The following PIR variants were observed in gnomAD, a reference collection of about 807,000 sequenced individuals.
PIR encodes pirin (iron-binding nuclear protein).
A neutral mutation model predicts 24.2 loss-of-function variants in PIR; 22 were observed. The ratio of observed to expected loss-of-function variants is 0.91; its 90% CI spans 0.65 to 1.30. PIR has a LOEUF of 1.30. Ranked by LOEUF, PIR falls within the 50% of genes most tolerant of loss-of-function variation. PIR has a pLI of 0.00. For missense variants in PIR, 220 were observed against 220.3 expected (o/e 1.00, Z 0.01); for synonymous variants, 80 against 79.6 (o/e 1.00, Z -0.03).
intron 7 of PIR, among the ~76,000 whole-genome samples, chrX:15,399,662 T>C (rs1057093027): frequency 8.9e-6 from 1 of 112,331 alleles, no homozygotes. Context: ...AAATCATAGA[T>C]ATTTTCATAT....
At chrX:15,463,209 C>CA (rs201151740) in intron 3 of PIR, among the ~76,000 whole-genome samples, 9,892 of 111,291 alleles carry the variant, frequency 0.089, 416 homozygotes, top group Middle Eastern at 0.15. Flanking sequence ...CACCTGCCCG[C>CA]AGATATAAGC....
At chrX:15,393,413 T>C (rs1232426644) in intron 8 of PIR, among the ~76,000 whole-genome samples, 1 of 111,533 alleles carries the variant, frequency 9.0e-6, no homozygotes, top group Non-Finnish European at 1.9e-5. Context: ...AATATAAAAC[T>C]CAAGATGGCA....
rs200259940 is a variant in PIR, at chrX:15,490,266, GT to G, written c.96+895del. Among the ~76,000 whole-genome samples, 835 of 111,680 alleles carry G rather than the reference GT, an allele frequency of 7.5e-3. 21 individuals carry two copies. Among genetic ancestry groups the G allele is most frequent in the Admixed American group, 0.073 (769 of 10,505 alleles). On this transcript the variant is annotated intron_variant, in intron 2 of 9. Transcript: ENST00000380420. The stretch of plus-strand genomic sequence containing the variant: ...CAGCACTCATTGAGGAAGGCCAGGA[GT>G]TTTTTAAAACCCTATAAATACATTT...
intron 5 of PIR, among the ~76,000 whole-genome samples, chrX:15,451,750 T>C (rs1221924519): frequency 8.9e-6 from 1 of 112,374 alleles, no homozygotes; most frequent in African/African-American, 3.2e-5. Flanking sequence ...TTTTGAAAAT[T>C]AAATTTTTTA....
intron 3 of PIR, among the ~76,000 whole-genome samples, chrX:15,467,883 A>G (rs1039796156): frequency 5.4e-5 from 6 of 111,547 alleles, no homozygotes; most frequent in Admixed American, 1.9e-4. Flanking sequence ...GAACCCCAGG[A>G]CCAGGCATGC....
chrX:15,454,555 C>T (rs901522652), intron 5 of PIR, among the ~76,000 whole-genome samples: 3 of 110,931 alleles, frequency 2.7e-5, no homozygotes, highest in African/African-American at 9.8e-5. Flanking sequence ...CTGGTAAGTC[C>T]CAACCAATAA....
rs1248720525 is a variant in PIR at position 15,413,608 on chromosome X, A to G, written c.566-6058T>C. 2.1e-4 allele frequency among the ~76,000 whole-genome samples: 24 copies of G among 112,168 alleles called. No individual in the cohort carries two copies. In the Admixed American group the frequency reaches 2.2e-3, roughly 10 times the overall value. ...TAAACAGCAAGATAAAGAAATGTCAACTTTGTAACTCCACAATCTGAGAGA... is the reference window on the plus strand; with the variant it reads ...TAAACAGCAAGATAAAGAAATGTCAGCTTTGTAACTCCACAATCTGAGAGA... On this transcript the variant is annotated intron_variant, in intron 6 of 9. Coordinates refer to ENST00000380420, the MANE Select transcript of PIR (RefSeq NM_001018109.3).
chrX:15,400,729 A>ATATTTCTTTATTTATT (rs1924348748), intron 7 of PIR, among the ~76,000 whole-genome samples: 1 of 22,463 alleles, frequency 4.5e-5, no homozygotes, highest in Admixed American at 3.4e-4. Context: ...TCTAAGGTAA[A>ATATTTCTTTATTTATT]TATTTATTTA....
intron 5 of PIR, 126 bp from the exon 6 acceptor site, chrX:15,426,116 G>A (rs1925309735): frequency 2.2e-6 from 1 of 444,999 alleles, no homozygotes; most frequent in Admixed American, 3.8e-5. Context: ...CTAGGGAAGT[G>A]TTAAAGCCGA....
chrX:15,439,984 TTCTCTC>T (rs375353069), intron 5 of PIR, among the ~76,000 whole-genome samples: 2 of 108,190 alleles, frequency 1.8e-5, no homozygotes, highest in Non-Finnish European at 3.9e-5. Flanking sequence ...AGACACAAAT[TTCTCTC>T]TCTCTCTCTC....
chrX:15,385,092 T>A lies in PIR; in HGVS notation c.785A>T (p.Glu262Val). The change falls in exon 10 of 10, where the codon GAA becomes GTA. Residue 262 changes from glutamate (E) to valine (V), a missense_variant. Physicochemically the swap from Glu to Val is moderately radical, Grantham distance 121. Transcript: ENST00000380420. Reference protein sequence around the residue: ...QHGPFVMNTNEEISQAILDFR... With the variant: ...QHGPFVMNTNVEISQAILDFR... ...ATCAAGAATAGCTTGAGAAATCTCTTCATTGGTGTTCATCACAAATGGACC... is the reference window on the plus strand; with the variant it reads ...ATCAAGAATAGCTTGAGAAATCTCTACATTGGTGTTCATCACAAATGGACC... 2.6e-6 allele frequency: 3 copies of A among 1,173,621 alleles called. No individual in the cohort carries two copies. The highest frequency in any genetic ancestry group is 3.6e-5 in the South Asian group (2 of 55,623).
chrX:15,486,951 T>C (rs932983448), intron 2 of PIR, among the ~76,000 whole-genome samples: 2 of 112,258 alleles, frequency 1.8e-5, no homozygotes, highest in East Asian at 5.5e-4. Context: ...ATAATGTCTA[T>C]GGTAGTAGCC....
chrX:15,490,186 T>G (rs1048911442), intron 2 of PIR, among the ~76,000 whole-genome samples: 6 of 111,879 alleles, frequency 5.4e-5, no homozygotes, highest in Non-Finnish European at 1.1e-4. Context: ...TATACAATTT[T>G]TATTTGTCAA....
At chrX:15,445,205 A>G (rs1023035249) in intron 5 of PIR, among the ~76,000 whole-genome samples, 1 of 111,831 alleles carries the variant, frequency 8.9e-6, no homozygotes, top group Non-Finnish European at 1.9e-5. Context: ...TGTTCTGGAC[A>G]TCAAAATGGC....
At chrX:15,387,063 CTTTTCTTTTCTTTTTTTT>C (rs1923779193) in intron 9 of PIR, among the ~76,000 whole-genome samples, 4 of 23,018 alleles carry the variant, frequency 1.7e-4, no homozygotes, top group African/African-American at 5.1e-4. Flanking sequence ...TTTTGTTTTT[CTTTTCTTTTCTTTTTTTT>C]TTTTTTTTTT....
chrX:15,432,039 T>C (rs1174839391), intron 5 of PIR, among the ~76,000 whole-genome samples: 1 of 110,927 alleles, frequency 9.0e-6, no homozygotes, highest in African/African-American at 3.3e-5. Flanking sequence ...TTTAAAATAA[T>C]AGTAACTATT....
intron 4 of PIR, 111 bp from the exon 5 acceptor site, chrX:15,456,165 C>T: frequency 1.6e-6 from 1 of 639,281 alleles, no homozygotes; most frequent in Non-Finnish European, 2.5e-6. Flanking sequence ...GTGCTGCTAT[C>T]AGAGCCCCTG....
intron 2 of PIR, among the ~76,000 whole-genome samples, chrX:15,488,004 G>T (rs1478650123): frequency 9.0e-6 from 1 of 111,491 alleles, no homozygotes; most frequent in East Asian, 2.8e-4. Flanking sequence ...TCTTGGTCGG[G>T]TGCAGTGGCT....
chrX:15,391,628 A>G (rs1431246907), intron 8 of PIR, among the ~76,000 whole-genome samples: 1 of 112,151 alleles, frequency 8.9e-6, no homozygotes, highest in Non-Finnish European at 1.9e-5. Context: ...TTCCGTCAGA[A>G]GTGAATTACA....
Sources: allele counts gnomAD v4.1 joint callset (sites outside exome capture counted in the v4.1 genomes callset), GRCh38; gene constraint gnomAD v4.1.1; transcripts MANE v1.5; gene names NCBI Gene and HGNC (gene_info 2026-07-23, HGNC 2026-07-21).